ACBD6: variants seen among roughly 807,000 people sequenced by gnomAD.
ACBD6 encodes the protein acyl-CoA binding domain containing 6.
ACBD6 carries 28 observed loss-of-function variants against 37.2 expected under a neutral mutation model. That is an observed-to-expected ratio of 0.75 (90% confidence interval 0.56 to 1.03). The LOEUF is 1.03. ACBD6 is among the 50% of genes least tolerant of loss of function. The pLI, the probability that ACBD6 is intolerant of heterozygous loss-of-function variation, is 0.00. For missense variants in ACBD6, 340 were observed against 337.4 expected (o/e 1.01, Z -0.06); for synonymous variants, 113 against 126.8 (o/e 0.89, Z 0.73).
intron 3 of ACBD6, among the ~76,000 whole-genome samples, chr1:180,457,084 A>T (rs1649954190): frequency 6.6e-6 from 1 of 152,170 alleles, no homozygotes; most frequent in South Asian, 2.1e-4. Flanking sequence ...GAAGATGTAA[A>T]CACATACCCT....
At chr1:180,293,600 C>T (rs1193806515) in intron 7 of ACBD6, among the ~76,000 whole-genome samples, 1 of 152,116 alleles carries the variant, frequency 6.6e-6, no homozygotes, top group Non-Finnish European at 1.5e-5. Context: ...AGCCACTGTG[C>T]CTGGCCAATT....
Position 180,450,750 on chromosome 1 carries a change from T to A in ACBD6, c.385-20488A>T, listed in dbSNP as rs147741853. On this transcript the variant is annotated intron_variant, in intron 3 of 7. Coordinates refer to ENST00000367595, the MANE Select transcript of ACBD6 (RefSeq NM_032360.4). ...ACTCCAGCCTGGGCGACAGTGAGAC[T>A]CTGTCAAAAAAACAAAACAAACAAA... Among the ~76,000 whole-genome samples, 30 of 151,862 alleles carry A rather than the reference T, an allele frequency of 2.0e-4. 1 individual carries two copies. The East Asian group carries it at 5.6e-3, about 29-fold the overall frequency.
chr1:180,463,168 A>G (rs1650215506), intron 3 of ACBD6, among the ~76,000 whole-genome samples: 1 of 152,206 alleles, frequency 6.6e-6, no homozygotes, highest in South Asian at 2.1e-4. Flanking sequence ...AAAGAAATAG[A>G]GAACCAAGGG....
At chr1:180,491,178 T>C (rs1432375083) in intron 3 of ACBD6, among the ~76,000 whole-genome samples, 2 of 152,120 alleles carry the variant, frequency 1.3e-5, no homozygotes, top group Non-Finnish European at 2.9e-5. Flanking sequence ...GTAACAACTA[T>C]GTACACATGA....
At chr1:180,330,161 T>C (rs1651423597) in intron 6 of ACBD6, among the ~76,000 whole-genome samples, 1 of 152,106 alleles carries the variant, frequency 6.6e-6, no homozygotes, top group Non-Finnish European at 1.5e-5. Flanking sequence ...ACTCTAATTC[T>C]AGTACTTTGA....
intron 9 of ACBD6, among the ~76,000 whole-genome samples, chr1:180,280,331 T>C (rs1001186695): frequency 1.3e-5 from 2 of 150,914 alleles, no homozygotes; most frequent in African/African-American, 4.9e-5. Context: ...CCCCTTTGTT[T>C]TTTCTCCTTT....
intron 3 of ACBD6, among the ~76,000 whole-genome samples, chr1:180,474,667 T>C (rs1650710851): frequency 6.6e-6 from 1 of 152,218 alleles, no homozygotes; most frequent in African/African-American, 2.4e-5. Flanking sequence ...TAATAGAATC[T>C]TTCTGGCTTT....
At chr1:180,457,821 T>C (rs1487575198) in intron 3 of ACBD6, among the ~76,000 whole-genome samples, 10 of 151,490 alleles carry the variant, frequency 6.6e-5, no homozygotes, top group African/African-American at 2.4e-4. Context: ...AGACGGAGTT[T>C]CGCTCTTGTC....
intron 3 of ACBD6, among the ~76,000 whole-genome samples, chr1:180,445,448 C>T (rs10733004): frequency 0.95 from 145,466 of 152,330 alleles, 69,523 homozygotes; most frequent in African/African-American, 0.99. Flanking sequence ...TACTATCCAA[C>T]TTCCACTTCA....
chr1:180,281,482 T>A (rs1649306598), intron 8 of ACBD6: 1 of 152,242 alleles, frequency 6.6e-6, no homozygotes, highest in African/African-American at 2.4e-5. Context: ...TGAGAGGTGA[T>A]CCTCAATGTA....
At chr1:180,420,036 A>C (rs929251097) in intron 4 of ACBD6, among the ~76,000 whole-genome samples, 1 of 152,236 alleles carries the variant, frequency 6.6e-6, no homozygotes, top group Non-Finnish European at 1.5e-5. Context: ...AGCAGTCTTA[A>C]ATAATCAGAA....
chr1:180,472,238 A>G (rs952872327), intron 3 of ACBD6, among the ~76,000 whole-genome samples: 1 of 152,178 alleles, frequency 6.6e-6, no homozygotes, highest in South Asian at 2.1e-4. Flanking sequence ...TTAACTCTCC[A>G]TTACTTCACT....
chr1:180,280,958 C>T (rs982417054), intron 9 of ACBD6, among the ~76,000 whole-genome samples: 4 of 152,192 alleles, frequency 2.6e-5, no homozygotes, highest in African/African-American at 9.7e-5. Context: ...GTCTTCCATT[C>T]TCAGCCCCTC....
chr1:180,473,958 A>G (rs1650675508), intron 3 of ACBD6, among the ~76,000 whole-genome samples: 1 of 152,186 alleles, frequency 6.6e-6, no homozygotes, highest in Non-Finnish European at 1.5e-5. Context: ...ACCTGTATAT[A>G]TATGTACATA....
At chr1:180,479,938 G>A (rs1382664518) in intron 3 of ACBD6, among the ~76,000 whole-genome samples, 1 of 151,960 alleles carries the variant, frequency 6.6e-6, no homozygotes, top group Non-Finnish European at 1.5e-5. Flanking sequence ...TCAGTGAGCA[G>A]AGATCGCACC....
At chr1:180,319,690 T>G (rs1018331107) in intron 6 of ACBD6, among the ~76,000 whole-genome samples, 2 of 152,202 alleles carry the variant, frequency 1.3e-5, no homozygotes, top group Non-Finnish European at 2.9e-5. Context: ...ACCATCCTCC[T>G]ACTCTCTATC....
chr1:180,311,179 G>T (rs1650576076), intron 7 of ACBD6, among the ~76,000 whole-genome samples: 1 of 152,314 alleles, frequency 6.6e-6, no homozygotes, highest in Non-Finnish European at 1.5e-5. Flanking sequence ...CTAAGATTAG[G>T]ATTCCTAAGC....
chr1:180,306,464 T>A (rs1650381167), intron 7 of ACBD6, among the ~76,000 whole-genome samples: 1 of 152,204 alleles, frequency 6.6e-6, no homozygotes, highest in South Asian at 2.1e-4. Context: ...TCTAGTTGCC[T>A]GCTACCTCCT....
Position 180,317,906 on chromosome 1 carries a change from G to T in ACBD6, c.664-3184C>A, listed in dbSNP as rs988386376. Among the ~76,000 whole-genome samples, 48 of 152,188 alleles carry T rather than the reference G, an allele frequency of 3.2e-4. 1 individual carries two copies. Among genetic ancestry groups the T allele is most frequent in the Non-Finnish European group, 1.5e-5 (1 of 68,020 alleles). ...GAATACTTATCTGGGGCCTGGAGCG[G>T]TGGCTCATGCCTGTAATCCTGGCAC... is the stretch of plus-strand genomic sequence containing the variant. On this transcript the variant is annotated intron_variant, in intron 6 of 7. Coordinates refer to ENST00000367595, the MANE Select transcript of ACBD6 (RefSeq NM_032360.4).
Sources: gnomAD v4.1 joint callset for allele counts (sites outside exome capture counted in the v4.1 genomes callset) on GRCh38, gnomAD v4.1.1 for gene constraint, MANE v1.5 for transcripts, NCBI Gene and HGNC (gene_info 2026-07-23, HGNC 2026-07-21) for gene names.